EPCAM: variants seen among roughly 807,000 people sequenced by gnomAD.
EPCAM encodes adenocarcinoma-associated antigen.
A neutral mutation model predicts 40.0 loss-of-function variants in EPCAM; 39 were observed. The ratio of observed to expected loss-of-function variants is 0.98; its 90% CI spans 0.76 to 1.27. The LOEUF is 1.27. EPCAM is among the 50% of genes most tolerant of loss of function. The pLI is 0.00. For missense variants in EPCAM, 503 were observed against 381.2 expected (o/e 1.32, Z -2.66); for synonymous variants, 168 against 132.3 (o/e 1.27, Z -1.85).
chr2:47,386,113 C>T (rs1474887674), intron 8 of EPCAM, among the ~76,000 whole-genome samples: 1 of 152,156 alleles, frequency 6.6e-6, no homozygotes, highest in African/African-American at 2.4e-5. Context: ...TGGTCCCATG[C>T]TTGCCACATA....
At chr2:47,370,636 G>C (rs1400801159) in intron 1 of EPCAM, among the ~76,000 whole-genome samples, 2 of 152,072 alleles carry the variant, frequency 1.3e-5, no homozygotes, top group Non-Finnish European at 2.9e-5. Flanking sequence ...GCAATGGCAA[G>C]ATCTTGACTC....
chr2:47,375,954 T>C (rs1671411825), intron 4 of EPCAM, among the ~76,000 whole-genome samples: 1 of 152,034 alleles, frequency 6.6e-6, no homozygotes, highest in Admixed American at 6.6e-5. Context: ...TCCTCCCGCC[T>C]CTGCCTCCCA....
chr2:47,385,916 C>G (rs1028990857), intron 8 of EPCAM, among the ~76,000 whole-genome samples: 4 of 152,108 alleles, frequency 2.6e-5, no homozygotes, highest in African/African-American at 4.8e-5. Flanking sequence ...AAGACTAACC[C>G]TGAATTGAAT....
chr2:47,385,138 A>C lies in EPCAM; in HGVS notation c.859-28A>C, dbSNP rs372344280. 7 of 1,589,640 alleles carry C rather than the reference A, an allele frequency of 4.4e-6. No homozygotes were observed. In the African/African-American group the frequency reaches 9.4e-5, roughly 21 times the overall value. On this transcript the variant is annotated intron_variant, in intron 7 of 8. Transcript: ENST00000263735. ...AATCTTTTTTTGAATAGCAGTCCTAAAACAATAGTTGTCTTTCTTCCACTC... is the reference window on the plus strand; with the variant it reads ...AATCTTTTTTTGAATAGCAGTCCTACAACAATAGTTGTCTTTCTTCCACTC...
At chr2:47,376,267 T>C (rs1285946888) in intron 4 of EPCAM, among the ~76,000 whole-genome samples, 1 of 151,652 alleles carries the variant, frequency 6.6e-6, no homozygotes, top group African/African-American at 2.4e-5. Context: ...TTTTTTTTTT[T>C]TTTTTGAGTT....
At chr2:47,385,896 G>T (rs1021893120) in intron 8 of EPCAM, among the ~76,000 whole-genome samples, 1 of 152,160 alleles carries the variant, frequency 6.6e-6, no homozygotes, top group East Asian at 1.9e-4. Flanking sequence ...TTTGGTGACC[G>T]CAAGTCTAGA....
rs1348813466 is a variant in EPCAM at position 47,386,335 on chromosome 2, C to T, written c.904-237C>T. ...TCTTATTCTTAATGATCTAGCTTACCTCCAACTTGCCCTAGTCACTTTGGC... is the reference window on the plus strand; with the variant it reads ...TCTTATTCTTAATGATCTAGCTTACTTCCAACTTGCCCTAGTCACTTTGGC... On this transcript the variant is annotated intron_variant, in intron 8 of 8. Transcript: ENST00000263735. Among the ~76,000 whole-genome samples the T allele has an allele frequency of 3.9e-5, 6 of 152,142 alleles. No homozygotes were observed. The East Asian group carries it at 9.6e-4, about 24-fold the overall frequency.
rs780070922 is a variant in EPCAM, at chr2:47,376,979, A to T, written c.492-35A>T. The T allele has an allele frequency of 8.8e-5, 126 of 1,435,060 alleles. 1 individual carries two copies. Among genetic ancestry groups the T allele is most frequent in the African/African-American group, 4.2e-5 (3 of 71,008 alleles). 88.9% of individuals were successfully genotyped at this position (1,435,060 alleles called of 1,614,324 possible). On this transcript the variant is annotated intron_variant, in intron 4 of 8. Coordinates refer to ENST00000263735, the MANE Select transcript of EPCAM (RefSeq NM_002354.3). ...CTTCTTACTGTTGTGTGGTACAAAC[A>T]TTTTTTTTTAATACAGATTTTAAAT...
intron 1 of EPCAM, among the ~76,000 whole-genome samples, chr2:47,371,662 C>G (rs113981554): frequency 1.3e-5 from 2 of 152,304 alleles, no homozygotes; most frequent in African/African-American, 4.8e-5. Context: ...AAAGTCTGCA[C>G]CTGACTGGTC....
intron 7 of EPCAM, 120 bp from the exon 8 acceptor site, chr2:47,385,046 G>C: frequency 1.3e-6 from 1 of 793,346 alleles, no homozygotes; most frequent in Non-Finnish European, 2.2e-6. Context: ...TTTATGGATA[G>C]ATGTTAAAAT....
chr2:47,369,579 A>T lies in EPCAM; in HGVS notation c.74A>T (p.Glu25Val), dbSNP rs878854494. ...ACGGCGACTTTTGCCGCAGCTCAGGAAGGTGAGGCGCGGATTGGAGCAGAG... is the reference window on the plus strand; with the variant it reads ...ACGGCGACTTTTGCCGCAGCTCAGGTAGGTGAGGCGCGGATTGGAGCAGAG... ...AATATFAAAQ[E>V]ECVCENYKLA... The change falls in exon 1 of 9, where the codon GAA (glutamate) becomes GTA (valine). Residue 25 changes from glutamate (E) to valine (V), a missense_variant and splice_region_variant. Transcript: ENST00000263735. 2 of 1,590,444 alleles carry T rather than the reference A, an allele frequency of 1.3e-6. No individual in the cohort carries two copies. The highest frequency in any genetic ancestry group is 1.7e-6 in the Non-Finnish European group (2 of 1,170,930).
rs1273299912 is a variant in EPCAM at position 47,386,716 on chromosome 2, T to C, written c.*103T>C. The C allele has an allele frequency of 1.0e-4, 90 of 890,182 alleles. 3 individuals carry two copies. In the South Asian group the frequency reaches 1.0e-3, roughly 10 times the overall value. The allele number at this position is 890,182 out of a possible 1,614,324, so 55.1% of individuals were successfully genotyped here. ...ACATCTTTGAAGGTCATGAGTTTGT[T>C]AGTTTAACATCATATATTTGTAATA... is the stretch of plus-strand genomic sequence containing the variant. On this transcript the variant is annotated 3_prime_UTR_variant, in exon 9 of 9. Coordinates refer to ENST00000263735, the MANE Select transcript of EPCAM (RefSeq NM_002354.3).
chr2:47,374,195 C>T lies in EPCAM; in HGVS notation c.425+147C>T, dbSNP rs990641207. 1.3e-5 allele frequency: 12 copies of T among 895,824 alleles called. No homozygotes were observed. The Admixed American group carries it at 1.9e-4, about 14-fold the overall frequency. The allele number at this position is 895,824 out of a possible 1,614,324, so 55.5% of individuals were successfully genotyped here. On this transcript the variant is annotated intron_variant, in intron 3 of 8. Coordinates refer to ENST00000263735, the MANE Select transcript of EPCAM (RefSeq NM_002354.3). ...AAAGCTTCCTTCTCATTCCAGTCCC[C>T]CTCGCTACCCATTGGACCTCCACAG...
At chr2:47,378,299 C>CTTT (rs70940676) in intron 5 of EPCAM, among the ~76,000 whole-genome samples, 8 of 118,680 alleles carry the variant, frequency 6.7e-5, no homozygotes, top group South Asian at 2.7e-4. Context: ...TTTTTCTTTT[C>CTTT]TTTTTTTTTT....
At chr2:47,372,555 T>C (rs1188777182) in intron 1 of EPCAM, among the ~76,000 whole-genome samples, 1 of 151,812 alleles carries the variant, frequency 6.6e-6, no homozygotes, top group Non-Finnish European at 1.5e-5. Flanking sequence ...GGACGGATCA[T>C]GAGGTCAGGA....
chr2:47,374,725 C>G (rs1671377180), intron 3 of EPCAM, among the ~76,000 whole-genome samples: 2 of 151,904 alleles, frequency 1.3e-5, no homozygotes, highest in African/African-American at 4.8e-5. Context: ...CTCACTGCAA[C>G]CTCTGCCTCC....
At chr2:47,378,075 A>G (rs1241990489) in intron 5 of EPCAM, among the ~76,000 whole-genome samples, 4 of 151,940 alleles carry the variant, frequency 2.6e-5, no homozygotes, top group African/African-American at 7.2e-5. Flanking sequence ...TACTAAAAAC[A>G]TACAAAATAG....
At chr2:47,376,256 T>C (rs1412166849) in intron 4 of EPCAM, among the ~76,000 whole-genome samples, 12 of 135,496 alleles carry the variant, frequency 8.9e-5, no homozygotes, top group South Asian at 4.3e-4. Context: ...ATTTCCTCCT[T>C]TTTTTTTTTT....
intron 7 of EPCAM, among the ~76,000 whole-genome samples, chr2:47,382,115 C>T (rs1032946155): frequency 2.0e-5 from 3 of 150,766 alleles, no homozygotes; most frequent in Non-Finnish European, 4.4e-5. Flanking sequence ...TTTTATATGG[C>T]AAAGAAACTG....
Sources: allele counts gnomAD v4.1 joint callset (sites outside exome capture counted in the v4.1 genomes callset), GRCh38; gene constraint gnomAD v4.1.1; transcripts MANE v1.5; gene names NCBI Gene and HGNC (gene_info 2026-07-23, HGNC 2026-07-21).